HERC1: variants seen among roughly 807,000 people sequenced by gnomAD.
HERC1 encodes HECT and RLD domain containing E3 ubiquitin protein ligase family member 1.
HERC1 carries 160 observed loss-of-function variants against 554.3 expected under a neutral mutation model. The ratio of observed to expected loss-of-function variants is 0.29; its 90% CI spans 0.25 to 0.33. HERC1 has a LOEUF of 0.33. Ranked by LOEUF, HERC1 falls within the 10% of genes least tolerant of loss-of-function variation. The pLI is 1.00. For synonymous variants in HERC1, 2,175 were observed against 2,131.7 expected (o/e 1.02, Z -0.56); for missense variants, 4,919 against 5,918.5 (o/e 0.83, Z 5.54).
chr15:63,715,984 G>T (rs2073535170), intron 22 of HERC1, among the ~76,000 whole-genome samples: 1 of 152,124 alleles, frequency 6.6e-6, no homozygotes, highest in African/African-American at 2.4e-5. Flanking sequence ...TGGACAACTT[G>T]TTGCCCCAGA....
At position 63,655,567 on chromosome 15, in the gene HERC1, A is replaced by T. The variant is rs1213265476; in HGVS notation, c.10084+175T>A. Among the ~76,000 whole-genome samples the T allele has an allele frequency of 8.5e-5, 13 of 152,354 alleles. No individual in the cohort carries two copies. The South Asian group carries it at 1.4e-3, about 17-fold the overall frequency. On this transcript the variant is annotated intron_variant, in intron 50 of 77. Coordinates refer to ENST00000443617, the MANE Select transcript of HERC1 (RefSeq NM_003922.4). ...TAATCTATAACTAAACTAATATGGT[A>T]CATTTTCTAATCTTTGTTTCCATAC...
At chr15:63,661,636 T>C in intron 45 of HERC1, 117 bp downstream of exon 45, 5 of 1,059,690 alleles carry the variant, frequency 4.7e-6, no homozygotes, top group East Asian at 4.8e-5. Flanking sequence ...AGTGTAAGAA[T>C]CACGGGATTT....
At chr15:63,703,646 G>A (rs1416313094) in intron 25 of HERC1, among the ~76,000 whole-genome samples, 2 of 152,136 alleles carry the variant, frequency 1.3e-5, no homozygotes, top group Non-Finnish European at 2.9e-5. Flanking sequence ...CCAGCACTTT[G>A]GGAGGCCAAG....
chr15:63,797,920 G>A (rs1482000586), intron 1 of HERC1, among the ~76,000 whole-genome samples: 2 of 152,228 alleles, frequency 1.3e-5, no homozygotes, highest in Non-Finnish European at 2.9e-5. Flanking sequence ...GAGTCAGGAT[G>A]TGAATATAAG....
At chr15:63,617,636 G>T (rs529725155) in intron 74 of HERC1, among the ~76,000 whole-genome samples, 1 of 152,280 alleles carries the variant, frequency 6.6e-6, no homozygotes, top group African/African-American at 2.4e-5. Flanking sequence ...CAGTGTAAAA[G>T]TGTTCCTATT....
At chr15:63,724,431 A>G (rs1040611600) in intron 18 of HERC1, among the ~76,000 whole-genome samples, 1 of 152,204 alleles carries the variant, frequency 6.6e-6, no homozygotes, top group African/African-American at 2.4e-5. Context: ...GAAATGGAGG[A>G]AAATCCTCAA....
At chr15:63,833,794 A>ACACACACACAC (rs1567176642) in intron 1 of HERC1, 33 bp downstream of exon 1, 3 of 137,460 alleles carry the variant, frequency 2.2e-5, no homozygotes, top group African/African-American at 9.3e-5. Flanking sequence ...CACACACAGG[A>ACACACACACAC]CCAGGAGGAC....
At chr15:63,641,355 T>C (rs1299662898) in intron 60 of HERC1, 115 bp downstream of exon 60, 5 of 804,528 alleles carry the variant, frequency 6.2e-6, no homozygotes, top group Admixed American at 6.8e-5. Flanking sequence ...TCTGCCCAAA[T>C]AGCCCCACTT....
In HERC1 at chr15:63,733,003, C is replaced by T; in HGVS notation, c.2789G>A (p.Gly930Asp). 1 of 1,613,890 alleles carries T rather than the reference C, an allele frequency of 6.2e-7. No homozygotes were observed. The highest frequency in any genetic ancestry group is 1.3e-5 in the African/African-American group (1 of 74,998). Residue 930 changes from glycine to aspartate, a missense_variant, in exon 14 of 78, where the codon GGC (glycine) becomes GAC (aspartate). Transcript: ENST00000443617. Reference sequence around the variant, plus strand: ...GGTATCTGGATGGCAGCTCTGAGTGCCGTAAGGTTGATCTGACAGATTTCC... The same window carrying T: ...GGTATCTGGATGGCAGCTCTGAGTGTCGTAAGGTTGATCTGACAGATTTCC... ...GYGNLSDQPY[G>D]TQSCHPDTHL...
intron 65 of HERC1, among the ~76,000 whole-genome samples, chr15:63,635,429 T>C (rs1172715269): frequency 6.6e-6 from 1 of 152,206 alleles, no homozygotes; most frequent in Admixed American, 6.5e-5. Context: ...AAGCCCAAGC[T>C]GAACAGCATA....
At position 63,694,051 on chromosome 15, in the gene HERC1, A is replaced by T. The variant is rs777461302; in HGVS notation, c.5587T>A (p.Ser1863Thr). 1 of 1,605,816 alleles carries T rather than the reference A, an allele frequency of 6.2e-7. No homozygotes were observed. Among genetic ancestry groups the T allele is most frequent in the Non-Finnish European group, 8.5e-7 (1 of 1,175,890 alleles). The change falls in exon 30 of 78, where the codon TCT becomes ACT. Residue 1863 changes from serine to threonine, a missense_variant. By Grantham distance (58) the Ser-to-Thr change is moderately conservative (BLOSUM62 1). Transcript: ENST00000443617. This position sits in a 1 kb window ranked among gnomAD's most constrained non-coding sequence, Gnocchi z 4.3. ...LSQTGVLHMA[S>T]FGEGEQEDGE... ...TCTTCTTGCTCCCCTTCTCCGAAAG[A>T]GGCCATATGTAGTACACCAGTTTGG...
chr15:63,670,272 C>G (rs1312587158), intron 39 of HERC1, among the ~76,000 whole-genome samples: 3 of 152,116 alleles, frequency 2.0e-5, no homozygotes, highest in African/African-American at 7.2e-5. Flanking sequence ...AGCCCCTTCT[C>G]CGATGAGAAT....
At chr15:63,665,632 T>G (rs2152947037) in intron 42 of HERC1, among the ~76,000 whole-genome samples, 1 of 152,370 alleles carries the variant, frequency 6.6e-6, no homozygotes, top group African/African-American at 2.4e-5. Flanking sequence ...TAAAATTATT[T>G]TATTAGCATG....
intron 27 of HERC1, among the ~76,000 whole-genome samples, chr15:63,695,264 T>C (rs189919645): frequency 0.011 from 1,661 of 152,278 alleles, 16 homozygotes; most frequent in Non-Finnish European, 0.018. Context: ...TTTAAACTCC[T>C]GAGCTCAAGC....
At chr15:63,697,786 C>A (rs141309106) in intron 26 of HERC1, among the ~76,000 whole-genome samples, 2 of 152,164 alleles carry the variant, frequency 1.3e-5, no homozygotes, top group East Asian at 3.9e-4. Flanking sequence ...GCAATACCTG[C>A]CAGGTTTCTG....
At chr15:63,765,259 T>TA (rs2075738604) in intron 2 of HERC1, among the ~76,000 whole-genome samples, 1 of 152,136 alleles carries the variant, frequency 6.6e-6, no homozygotes, top group Non-Finnish European at 1.5e-5. Context: ...CCCTCCTTTG[T>TA]TCTCCTCCAG....
At chr15:63,741,777 A>C (rs2074820972) in intron 12 of HERC1, among the ~76,000 whole-genome samples, 1 of 152,210 alleles carries the variant, frequency 6.6e-6, no homozygotes, top group Non-Finnish European at 1.5e-5. Flanking sequence ...CTCTTGTAGA[A>C]AATCAGTAAG....
Position 63,677,716 on chromosome 15 carries a change from G to T in HERC1, c.7070+129C>A. 1.4e-6 allele frequency: 2 copies of T among 1,433,884 alleles called. No individual in the cohort carries two copies. The highest frequency in any genetic ancestry group is 1.9e-6 in the Non-Finnish European group (2 of 1,074,334). The allele number at this position is 1,433,884 out of a possible 1,614,324, so 88.8% of individuals were successfully genotyped here. A position where few individuals can be genotyped will look rare whatever the true frequency, so the allele number is the denominator to read the frequency against. ...GAAATTACAGTAGAAACATCTAGCT[G>T]CATGAGAAATATTTTTAAAAGTTAA... On this transcript the variant is annotated intron_variant, in intron 37 of 77. Coordinates refer to ENST00000443617, the MANE Select transcript of HERC1 (RefSeq NM_003922.4). The surrounding 1 kb of genome is among the most constrained non-coding windows in gnomAD (Gnocchi z 4.4).
At chr15:63,826,672 G>C (rs2077914012) in intron 1 of HERC1, among the ~76,000 whole-genome samples, 1 of 149,004 alleles carries the variant, frequency 6.7e-6, no homozygotes, top group African/African-American at 2.5e-5. Flanking sequence ...CAGTATTAGT[G>C]GACAATGTAT....
Sources: gnomAD v4.1 joint callset for allele counts (sites outside exome capture counted in the v4.1 genomes callset) on GRCh38, gnomAD v4.1.1 for gene constraint, Gnocchi (gnomAD v3.1) non-coding constraint, MANE v1.5 for transcripts, NCBI Gene and HGNC (gene_info 2026-07-23, HGNC 2026-07-21) for gene names.